GALNTL6: variants seen among roughly 807,000 people sequenced by gnomAD.
GALNTL6 encodes the protein polypeptide N-acetylgalactosaminyltransferase-like 6.
In GALNTL6, 46 loss-of-function variants were observed where a neutral mutation model predicts 73.7. The ratio of observed to expected loss-of-function variants is 0.62; its 90% CI spans 0.49 to 0.80. The LOEUF (loss-of-function observed/expected upper bound fraction) is 0.80, where lower values mean the gene tolerates loss of function less well. GALNTL6 is among the 30% of genes least tolerant of loss of function. The pLI is 0.00. For missense variants in GALNTL6, 604 were observed against 755.0 expected (o/e 0.80, Z 2.34); for synonymous variants, 259 against 263.7 (o/e 0.98, Z 0.17).
At chr4:172,855,196 G>GAA (rs3087060) in intron 7 of GALNTL6, among the ~76,000 whole-genome samples, 98,115 of 138,722 alleles carry the variant, frequency 0.71, 35,734 homozygotes, top group East Asian at 0.91. Flanking sequence ...ACTTTGAGGT[G>GAA]AAAAAAAAAA....
At chr4:172,025,071 T>G (rs1741520291) in intron 2 of GALNTL6, among the ~76,000 whole-genome samples, 1 of 152,012 alleles carries the variant, frequency 6.6e-6, no homozygotes, top group Admixed American at 6.6e-5. Flanking sequence ...AGCTTAATTT[T>G]TATTAGCACA....
At chr4:172,619,843 G>A (rs141866904) in intron 5 of GALNTL6, among the ~76,000 whole-genome samples, 13 of 152,012 alleles carry the variant, frequency 8.6e-5, no homozygotes, top group African/African-American at 1.7e-4. Flanking sequence ...CTTTTTATTC[G>A]TAAGTACTAT....
chr4:172,880,583 C>T (rs986741890), intron 7 of GALNTL6, among the ~76,000 whole-genome samples: 5 of 151,926 alleles, frequency 3.3e-5, no homozygotes, highest in African/African-American at 1.2e-4. Context: ...GATGGCTGCA[C>T]GGAGATAAAC....
At chr4:172,248,982 G>T (rs1182906223) in intron 3 of GALNTL6, among the ~76,000 whole-genome samples, 1 of 152,148 alleles carries the variant, frequency 6.6e-6, no homozygotes, top group Non-Finnish European at 1.5e-5. Flanking sequence ...AGTAAATTGG[G>T]TACTGCAGAG....
intron 5 of GALNTL6, among the ~76,000 whole-genome samples, chr4:172,798,166 A>T (rs1279682841): frequency 6.6e-6 from 1 of 152,182 alleles, no homozygotes; most frequent in Non-Finnish European, 1.5e-5. Context: ...GTCTTAGAAA[A>T]ACAAGTAACA....
intron 5 of GALNTL6, among the ~76,000 whole-genome samples, chr4:172,635,291 C>T (rs1029374065): frequency 7.2e-5 from 11 of 151,846 alleles, no homozygotes; most frequent in African/African-American, 2.2e-4. Context: ...AAATATAGTG[C>T]GACTGTTTAT....
chr4:172,998,528 T>G (rs1751896425), intron 10 of GALNTL6, among the ~76,000 whole-genome samples: 1 of 152,238 alleles, frequency 6.6e-6, no homozygotes, highest in African/African-American at 2.4e-5. Flanking sequence ...AAACTTCCAT[T>G]TGTTGACTCT....
chr4:172,985,691 A>G (rs962550704), intron 10 of GALNTL6, among the ~76,000 whole-genome samples: 2 of 152,224 alleles, frequency 1.3e-5, no homozygotes, highest in East Asian at 3.9e-4. Context: ...ATGAAATAAT[A>G]GGAAGTCAAA....
chr4:172,057,717 AAAAAAAAAAAATATATAT>A (rs1409610176), intron 2 of GALNTL6, among the ~76,000 whole-genome samples: 6 of 80,316 alleles, frequency 7.5e-5, no homozygotes, highest in African/African-American at 1.3e-4. Flanking sequence ...AAAAAAAAAA[AAAAAAAAAAAATATATAT>A]ATATATATAT....
chr4:172,838,270 G>A (rs1743018368), intron 7 of GALNTL6, among the ~76,000 whole-genome samples: 1 of 152,160 alleles, frequency 6.6e-6, no homozygotes, highest in Non-Finnish European at 1.5e-5. Flanking sequence ...ATGGGGCATG[G>A]GCAGATGTAG....
intron 5 of GALNTL6, among the ~76,000 whole-genome samples, chr4:172,410,592 G>A (rs1420849305): frequency 6.6e-6 from 1 of 152,012 alleles, no homozygotes; most frequent in African/African-American, 2.4e-5. Flanking sequence ...ATCCCTTATG[G>A]TCTGCAAAGT....
rs117854734 is a variant in GALNTL6 at position 171,912,754 on chromosome 4, G to A, written c.138+98036G>A. 1.5e-3 allele frequency among the ~76,000 whole-genome samples: 225 copies of A among 152,102 alleles called. 1 individual carries two copies. The highest frequency in any genetic ancestry group is 9.6e-3 in the Admixed American group (147 of 15,268). On this transcript the variant is annotated intron_variant, in intron 2 of 12. Transcript: ENST00000506823. The stretch of plus-strand genomic sequence containing the variant: ...CCACCACTCTACCCTTTACCACCAT[G>A]AGATCCACTTTTTCAGTTTCCACCT...
At chr4:172,336,864 G>A (rs908561526) in intron 4 of GALNTL6, among the ~76,000 whole-genome samples, 16 of 152,046 alleles carry the variant, frequency 1.1e-4, no homozygotes, top group African/African-American at 2.7e-4. Context: ...CCTCCACCCC[G>A]TCCATTATTG....
intron 5 of GALNTL6, among the ~76,000 whole-genome samples, chr4:172,361,427 G>A (rs1354530849): frequency 5.3e-5 from 8 of 152,022 alleles, no homozygotes; most frequent in Non-Finnish European, 1.2e-4. Context: ...GGAGCTGAAG[G>A]CCAATGTACA....
intron 2 of GALNTL6, among the ~76,000 whole-genome samples, chr4:171,866,810 C>CAAA (rs1224800623): frequency 6.6e-6 from 1 of 152,058 alleles, no homozygotes; most frequent in African/African-American, 2.4e-5. Flanking sequence ...TTCATAATGG[C>CAAA]ATTAATCCCA....
intron 5 of GALNTL6, among the ~76,000 whole-genome samples, chr4:172,353,929 C>A (rs759120887): frequency 1.3e-5 from 2 of 152,034 alleles, no homozygotes; most frequent in Non-Finnish European, 2.9e-5. Flanking sequence ...CTATTTTACA[C>A]AAATAGTCTC....
rs71592087 is a variant in GALNTL6 at position 172,609,601 on chromosome 4, T to TTCTCTC, written c.554-199740_554-199735dup. Among the ~76,000 whole-genome samples the TTCTCTC allele has an allele frequency of 5.1e-3, 584 of 113,836 alleles. 13 individuals carry two copies. Among genetic ancestry groups the TTCTCTC allele is most frequent in the African/African-American group, 0.019 (557 of 28,594 alleles). The allele number at this position is 113,836 out of a possible 152,430, so 74.7% of individuals were successfully genotyped here. A position where few individuals can be genotyped will look rare whatever the true frequency, so the allele number is the denominator to read the frequency against. On this transcript the variant is annotated intron_variant, in intron 5 of 12. Coordinates refer to ENST00000506823, the MANE Select transcript of GALNTL6 (RefSeq NM_001034845.3). The stretch of plus-strand genomic sequence containing the variant: ...TCATCAAGGATATTGGCCTGAAGTT[T>TTCTCTC]TCTCTCTCTCTCTCTCTCTCTCTCT...
chr4:172,748,469 AT>A (rs971059159), intron 5 of GALNTL6, among the ~76,000 whole-genome samples: 158 of 150,654 alleles, frequency 1.0e-3, no homozygotes, highest in African/African-American at 3.0e-3. Flanking sequence ...TCAAGAATAT[AT>A]TTTTTTTTTC....
rs527237904 is a variant in GALNTL6 at position 172,608,001 on chromosome 4, A to C, written c.554-201360A>C. 9.6e-4 allele frequency among the ~76,000 whole-genome samples: 146 copies of C among 152,236 alleles called. 1 individual carries two copies. The highest frequency in any genetic ancestry group is 3.4e-3 in the African/African-American group (142 of 41,550). ...TGATATTTATTAATTTTTTCAAAAA[A>C]TCAACTTGTAAGTTCCTTCTGGATC... On this transcript the variant is annotated intron_variant, in intron 5 of 12. Transcript: ENST00000506823.
Sources: allele counts gnomAD v4.1 joint callset (sites outside exome capture counted in the v4.1 genomes callset), GRCh38; gene constraint gnomAD v4.1.1; transcripts MANE v1.5; gene names NCBI Gene and HGNC (gene_info 2026-07-23, HGNC 2026-07-21).